GSE1: variants seen among roughly 807,000 people sequenced by gnomAD.
GSE1 encodes the protein Gse1 coiled-coil protein, also known as genetic suppressor element 1.
A neutral mutation model predicts 112.6 loss-of-function variants in GSE1; 32 were observed. That is an observed-to-expected ratio of 0.28 (90% CI 0.21 to 0.38). The LOEUF is 0.38. Ranked by LOEUF, GSE1 falls within the 10% of genes least tolerant of loss-of-function variation. GSE1 has a pLI of 1.00. For synonymous variants in GSE1, 1,115 were observed against 735.6 expected (o/e 1.52, Z -8.35); for missense variants, 2,348 against 1,699.2 (o/e 1.38, Z -6.71).
chr16:85,621,775 G>C (rs2048759372), intron 1 of GSE1, among the ~76,000 whole-genome samples: 1 of 152,202 alleles, frequency 6.6e-6, no homozygotes, highest in Non-Finnish European at 1.5e-5. Context: ...TGGAGAGACT[G>C]TTGTGTTCCT....
At chr16:85,536,905 C>T (rs769804437) in intron 2 of GSE1, among the ~76,000 whole-genome samples, 4 of 152,186 alleles carry the variant, frequency 2.6e-5, no homozygotes, top group Admixed American at 1.3e-4. Flanking sequence ...ATGGAACCGG[C>T]GAGGAATGGT....
At chr16:85,349,499 C>T (rs1271512700) in intron 1 of GSE1, among the ~76,000 whole-genome samples, 2 of 152,022 alleles carry the variant, frequency 1.3e-5, no homozygotes, top group African/African-American at 2.4e-5. Context: ...CCCTGGCAGA[C>T]GACAGCACTG....
rs1396845489 is a variant in GSE1, at chr16:85,478,902, T to A, written c.2464+121259T>A. ...TTCTTTCTTTCTTTCTTTCTTTCTTTCTTTCTTTCTTTCTTTCTTTCTTTC... is the reference window on the plus strand; with the variant it reads ...TTCTTTCTTTCTTTCTTTCTTTCTTACTTTCTTTCTTTCTTTCTTTCTTTC... On this transcript the variant is annotated intron_variant, in intron 2 of 2. Coordinates refer to the GSE1 transcript ENST00000637419. Among the ~76,000 whole-genome samples, 12 of 71,470 alleles carry A rather than the reference T, an allele frequency of 1.7e-4. No individual in the cohort carries two copies. In the South Asian group the frequency reaches 4.9e-3, roughly 29 times the overall value. The allele number at this position is 71,470 out of a possible 152,430, so 46.9% of individuals were successfully genotyped here. A position where few individuals can be genotyped will look rare whatever the true frequency, so the allele number is the denominator to read the frequency against.
At chr16:85,599,075 G>A (rs2047356477) in intron 1 of GSE1, among the ~76,000 whole-genome samples, 1 of 152,116 alleles carries the variant, frequency 6.6e-6, no homozygotes, top group Non-Finnish European at 1.5e-5. Context: ...TCACATCTTC[G>A]TGCGCCGATA....
intron 2 of GSE1, among the ~76,000 whole-genome samples, chr16:85,375,053 C>A (rs1021909259): frequency 2.6e-5 from 4 of 152,188 alleles, no homozygotes; most frequent in African/African-American, 4.8e-5. Context: ...CTGGATGAGC[C>A]ACCTAATCTC....
At chr16:85,491,586 G>C (rs1378423803) in intron 2 of GSE1, among the ~76,000 whole-genome samples, 1 of 152,142 alleles carries the variant, frequency 6.6e-6, no homozygotes, top group Non-Finnish European at 1.5e-5. Context: ...GGGCGAGACG[G>C]CTGTGTGGCA....
chr16:85,641,228 T>G (rs539520976), intron 2 of GSE1, among the ~76,000 whole-genome samples: 126 of 152,366 alleles, frequency 8.3e-4, no homozygotes, highest in South Asian at 4.1e-3. Flanking sequence ...TCTCAGCTCC[T>G]TTGGTCCCAC....
At chr16:85,637,947 C>T (rs1013053689) in intron 2 of GSE1, among the ~76,000 whole-genome samples, 1 of 152,182 alleles carries the variant, frequency 6.6e-6, no homozygotes, top group Non-Finnish European at 1.5e-5. Context: ...CAGGGCAGCT[C>T]CCAGAGCTGC....
intron 1 of GSE1, among the ~76,000 whole-genome samples, chr16:85,617,431 G>A (rs2048438173): frequency 6.6e-6 from 1 of 152,170 alleles, no homozygotes; most frequent in Non-Finnish European, 1.5e-5. Flanking sequence ...GGGTTTCTAG[G>A]GAGGCAGGTG....
At chr16:85,408,873 A>T (rs1377327921) in intron 2 of GSE1, among the ~76,000 whole-genome samples, 3 of 18,148 alleles carry the variant, frequency 1.7e-4, no homozygotes, top group Admixed American at 4.9e-4. Flanking sequence ...TCACTGTTAC[A>T]CTCAGGCCCC....
chr16:85,357,598 C>T (rs1359429273), exon 2 of GSE1: 3 of 1,288,920 alleles, frequency 2.3e-6, no homozygotes, highest in Non-Finnish European at 2.0e-6. Context: ...AGCACAGTGT[C>T]TGCAGAGCAG....
At chr16:85,631,321 A>G (rs1245000606) in intron 1 of GSE1, among the ~76,000 whole-genome samples, 1 of 152,226 alleles carries the variant, frequency 6.6e-6, no homozygotes, top group Non-Finnish European at 1.5e-5. Flanking sequence ...AGGCACCAGG[A>G]CAAGAGCTCT....
At chr16:85,603,967 G>A (rs1232424723) in intron 1 of GSE1, among the ~76,000 whole-genome samples, 2 of 152,154 alleles carry the variant, frequency 1.3e-5, no homozygotes, top group Non-Finnish European at 2.9e-5. Flanking sequence ...ATAAAGAAAA[G>A]CGGTATAATT....
intron 2 of GSE1, among the ~76,000 whole-genome samples, chr16:85,469,284 A>G (rs12923454): frequency 0.55 from 83,911 of 151,770 alleles, 24,335 homozygotes; most frequent in Non-Finnish European, 0.65. Context: ...CCGAAATTCA[A>G]TGACAGGGGC....
chr16:85,663,515 T>C lies in GSE1; in HGVS notation c.2545T>C (p.Tyr849His). ...ACCGAGACTGGCGCTGTCTACCCGC[T>C]ACAGCCCTGATGAGATGAACAACAG... ...PSPRLALSTRYSPDEMNNSPN... is the reference protein window; with the variant it reads ...PSPRLALSTRHSPDEMNNSPN... Residue 849 changes from tyrosine to histidine, a missense_variant, in exon 11 of 16, where the codon TAC becomes CAC. By Grantham distance (83) the Tyr-to-His change is moderately conservative. Coordinates refer to ENST00000253458, the MANE Select transcript of GSE1 (RefSeq NM_014615.5). 6.2e-7 allele frequency: 1 copy of C among 1,613,222 alleles called. No individual in the cohort carries two copies. Among genetic ancestry groups the C allele is most frequent in the Non-Finnish European group, 8.5e-7 (1 of 1,179,862 alleles).
intron 2 of GSE1, among the ~76,000 whole-genome samples, chr16:85,470,217 AAGG>A (rs1268723593): frequency 6.6e-6 from 1 of 152,238 alleles, no homozygotes; most frequent in Non-Finnish European, 1.5e-5. Context: ...TTGCTGGAAC[AAGG>A]AGGTGCCTGA....
chr16:85,493,164 T>C (rs1475321219), intron 2 of GSE1, among the ~76,000 whole-genome samples: 1 of 152,222 alleles, frequency 6.6e-6, no homozygotes, highest in Non-Finnish European at 1.5e-5. Flanking sequence ...AGAACTTTGC[T>C]GTGGCAAATT....
rs778539513 is a variant in GSE1 at position 85,668,396 on chromosome 16, T to C, written c.3387T>C (p.Val1129=). The C allele has an allele frequency of 6.2e-7, 1 of 1,610,690 alleles. No individual in the cohort carries two copies. The highest frequency in any genetic ancestry group is 2.2e-5 in the East Asian group (1 of 44,850). Reference sequence around the variant, plus strand: ...GCAAGTGGCAAGGGATCGAGGCCGTTTTTGAAGCTTACCAGGAACACATAG... The same window carrying C: ...GCAAGTGGCAAGGGATCGAGGCCGTCTTTGAAGCTTACCAGGAACACATAG... ...PKRKWQGIEA[V]FEAYQEHIEE... is the part of the protein sequence containing the mutation. The change falls in exon 14 of 16, where the codon GTT becomes GTC. Residue 1129 remains valine (V), a synonymous_variant. Transcript: ENST00000253458.
intron 1 of GSE1, among the ~76,000 whole-genome samples, chr16:85,331,698 TATATATA>T (rs1567693485): frequency 2.2e-5 from 2 of 90,484 alleles, no homozygotes; most frequent in Non-Finnish European, 4.3e-5. Flanking sequence ...TATATATATA[TATATATA>T]TATTTTTTTT....
Sources: gnomAD v4.1 joint callset for allele counts (sites outside exome capture counted in the v4.1 genomes callset) on GRCh38, gnomAD v4.1.1 for gene constraint, MANE v1.5 for transcripts, NCBI Gene and HGNC (gene_info 2026-07-23, HGNC 2026-07-21) for gene names.